Variants in TRIM38 observed in about 807,000 individuals in gnomAD.
The protein encoded by TRIM38 is tripartite motif containing 38.
Under a neutral mutation model 35.8 loss-of-function variants are expected in TRIM38, and 35 were observed. That is an observed-to-expected ratio of 0.98 (90% CI 0.75 to 1.30). TRIM38 has a LOEUF of 1.30. TRIM38 is among the 50% of genes most tolerant of loss of function. TRIM38 has a pLI of 0.00. For missense variants in TRIM38, 545 were observed against 556.9 expected (o/e 0.98, Z 0.21); for synonymous variants, 198 against 204.7 (o/e 0.97, Z 0.28).
chr6:25,975,219 A>G, intron 7 of TRIM38: 1 of 865,882 alleles, frequency 1.2e-6, no homozygotes, highest in Non-Finnish European at 1.4e-6. Context: ...TCTTTTTTCA[A>G]ATTTTTTTTT....
Position 25,989,395 on chromosome 6 carries a change from C to T in TRIM38, c.*5708C>T, listed in dbSNP as rs910353288. The T allele has an allele frequency of 6.6e-6, 1 of 151,886 alleles. No homozygotes were observed. Among genetic ancestry groups the T allele is most frequent in the African/African-American group, 2.4e-5 (1 of 41,322 alleles). The allele number at this position is 151,886 out of a possible 1,614,324, so 9.4% of individuals were successfully genotyped here. ...AAGTCCTTTGAGAAAAGAAATGCAC[C>T]CAAAGTATTAATTTGGCAATCTCAT... On this transcript the variant is annotated 3_prime_UTR_variant, in exon 8 of 8. Transcript: ENST00000357085.
At chr6:25,978,758 C>T (rs1211160791) in intron 7 of TRIM38, among the ~76,000 whole-genome samples, 1 of 152,160 alleles carries the variant, frequency 6.6e-6, no homozygotes, top group Non-Finnish European at 1.5e-5. Context: ...TCTCCACCTC[C>T]CAGGCTCAAG....
intron 4 of TRIM38, among the ~76,000 whole-genome samples, chr6:25,970,516 C>T (rs1027686230): frequency 4.6e-5 from 7 of 152,124 alleles, no homozygotes; most frequent in Non-Finnish European, 8.8e-5. Flanking sequence ...CTACCCTGAT[C>T]TTTGTTTGTG....
intron 7 of TRIM38, among the ~76,000 whole-genome samples, chr6:25,977,172 CT>C (rs1205294649): frequency 4.6e-5 from 7 of 152,150 alleles, no homozygotes; most frequent in Admixed American, 4.6e-4. Flanking sequence ...AGGTCTGTGT[CT>C]TTTATGTCCA....
chr6:25,980,741 G>A (rs896968448), intron 7 of TRIM38, among the ~76,000 whole-genome samples: 1 of 152,082 alleles, frequency 6.6e-6, no homozygotes, highest in African/African-American at 2.4e-5. Flanking sequence ...TCTTAATAAT[G>A]CTCTGACTTA....
intron 7 of TRIM38, among the ~76,000 whole-genome samples, chr6:25,982,046 G>A (rs1227297897): frequency 3.9e-5 from 6 of 152,218 alleles, no homozygotes; most frequent in South Asian, 2.1e-4. Flanking sequence ...CGGGGTCCAG[G>A]GTCCAAAACC....
chr6:25,967,019 C>T (rs1760081664), intron 3 of TRIM38, 86 bp downstream of exon 3: 3 of 1,371,882 alleles, frequency 2.2e-6, no homozygotes, highest in African/African-American at 2.9e-5. Context: ...TGAAACCTAA[C>T]ATTATGACTT....
chr6:25,965,713 C>T (rs1266494069), intron 2 of TRIM38, among the ~76,000 whole-genome samples: 2 of 49,548 alleles, frequency 4.0e-5, no homozygotes, highest in African/African-American at 1.5e-4. Flanking sequence ...ATCACAAGGT[C>T]AAGAGATCGA....
Position 25,963,088 on chromosome 6 carries a change from G to C in TRIM38, c.-383G>C, listed in dbSNP as rs961187020. 2 of 152,318 alleles carry C rather than the reference G, an allele frequency of 1.3e-5. No homozygotes were observed. Among genetic ancestry groups the C allele is most frequent in the African/African-American group, 2.4e-5 (1 of 41,378 alleles). 9.4% of individuals were successfully genotyped at this position (152,318 alleles called of 1,614,324 possible). A position where few individuals can be genotyped will look rare whatever the true frequency, so the allele number is the denominator to read the frequency against. ...CTCAGAAGATTCAGAACTTAGATGA[G>C]TGGGGCCCAGGACAGGAACCCTGGA... On this transcript the variant is annotated 5_prime_UTR_variant, in exon 2 of 8. Transcript: ENST00000357085.
intron 2 of TRIM38, 84 bp from the exon 3 acceptor site, chr6:25,966,251 A>C (rs1488002665): frequency 2.9e-5 from 11 of 380,986 alleles, no homozygotes; most frequent in Non-Finnish European, 5.1e-5. Flanking sequence ...CTGCTTGCTA[A>C]TGAGGGCAAC....
intron 7 of TRIM38, among the ~76,000 whole-genome samples, chr6:25,981,358 G>T (rs1225836096): frequency 6.6e-6 from 1 of 152,258 alleles, no homozygotes; most frequent in Non-Finnish European, 1.5e-5. Flanking sequence ...AGGGAAAAGT[G>T]AGGGATTATT....
chr6:25,983,838 T>A lies in TRIM38; in HGVS notation c.*151T>A. 2 of 709,968 alleles carry A rather than the reference T, an allele frequency of 2.8e-6. No homozygotes were observed. The highest frequency in any genetic ancestry group is 4.4e-5 in the South Asian group (2 of 45,602). 44.0% of individuals were successfully genotyped at this position (709,968 alleles called of 1,614,324 possible). A position where few individuals can be genotyped will look rare whatever the true frequency, so the allele number is the denominator to read the frequency against. ...TAGTGGATATATAATTGATTTATGT[T>A]GAATATATGGACTTAGCAACTAAAA... On this transcript the variant is annotated 3_prime_UTR_variant, in exon 8 of 8. Transcript: ENST00000357085.
At chr6:25,982,916 A>T (rs1232580911) in intron 7 of TRIM38, among the ~76,000 whole-genome samples, 4 of 152,086 alleles carry the variant, frequency 2.6e-5, no homozygotes, top group African/African-American at 9.7e-5. Flanking sequence ...GCGAAACCCC[A>T]TCTCTACAGA....
chr6:25,983,505 C>T lies in TRIM38; in HGVS notation c.1216C>T (p.His406Tyr), dbSNP rs780867520. The T allele has an allele frequency of 1.2e-6, 2 of 1,614,116 alleles. No homozygotes were observed. Among genetic ancestry groups the T allele is most frequent in the Non-Finnish European group, 1.7e-6 (2 of 1,180,026 alleles). ...LTSPPTSLHL[H>Y]EQPLLVGIFL... ...TTCTCCCCCAACTTCCCTTCATCTG[C>T]ATGAGCAGCCCCTGCTTGTGGGAAT... Residue 406 changes from histidine (H) to tyrosine (Y), a missense_variant, in exon 8 of 8, where the codon CAT (histidine) becomes TAT (tyrosine). By Grantham distance (83) the His-to-Tyr change is moderately conservative. Transcript: ENST00000357085.
intron 7 of TRIM38, among the ~76,000 whole-genome samples, chr6:25,980,615 T>A (rs112723170): frequency 1.1e-4 from 17 of 152,324 alleles, no homozygotes; most frequent in African/African-American, 3.8e-4. Flanking sequence ...GAGCCAGGGT[T>A]TTGCCATGTT....
chr6:25,968,356 T>C (rs758339782), intron 3 of TRIM38, among the ~76,000 whole-genome samples: 5 of 152,176 alleles, frequency 3.3e-5, no homozygotes, highest in Non-Finnish European at 5.9e-5. Context: ...GTTTTGTCAC[T>C]TACTAGATGG....
At chr6:25,975,771 C>CTTATGG in intron 7 of TRIM38, 2 of 839,756 alleles carry the variant, frequency 2.4e-6, no homozygotes, top group Non-Finnish European at 2.9e-6. Context: ...GTCTAATATT[C>CTTATGG]CATAAGAATA....
chr6:25,971,275 A>T (rs1230923914), intron 4 of TRIM38, among the ~76,000 whole-genome samples: 2 of 152,168 alleles, frequency 1.3e-5, no homozygotes, highest in Non-Finnish European at 2.9e-5. Context: ...CAAGAAAATT[A>T]ATTGGGTGAC....
rs1173970750 is a variant in TRIM38, at chr6:25,988,111, G to T, written c.*4424G>T. The T allele has an allele frequency of 6.6e-6, 1 of 152,124 alleles. No homozygotes were observed. The highest frequency in any genetic ancestry group is 1.5e-5 in the Non-Finnish European group (1 of 68,016). 9.4% of individuals were successfully genotyped at this position (152,124 alleles called of 1,614,324 possible). ...GACTTCTTTCCTCTGTACCTACTCC[G>T]AAGTTACCACTCTTTTTCTAGAAAT... On this transcript the variant is annotated 3_prime_UTR_variant, in exon 8 of 8. Transcript: ENST00000357085.
Sources: allele counts gnomAD v4.1 joint callset (sites outside exome capture counted in the v4.1 genomes callset), GRCh38; gene constraint gnomAD v4.1.1; transcripts MANE v1.5; gene names NCBI Gene and HGNC (gene_info 2026-07-23, HGNC 2026-07-21).